The following POU6F2 variants were observed in gnomAD, a reference collection of about 807,000 sequenced individuals.
POU6F2 encodes POU domain, class 6, transcription factor 2.
Under a neutral mutation model 71.3 loss-of-function variants are expected in POU6F2, and 31 were observed. The observed-to-expected ratio is 0.43, with a 90% confidence interval of 0.33 to 0.59. POU6F2 has a LOEUF of 0.59. POU6F2 is among the 20% of genes least tolerant of loss of function. The pLI is 0.04. For missense variants in POU6F2, 783 were observed against 856.8 expected, an observed-to-expected ratio of 0.91 and a Z score of 1.07; for synonymous variants, 347 against 355.7, an observed-to-expected ratio of 0.98 and a Z score of 0.27.
At chr7:39,441,181 GGGGAACA>G (rs1788394813) in intron 7 of POU6F2, among the ~76,000 whole-genome samples, 1 of 152,036 alleles carries the variant, frequency 6.6e-6, no homozygotes, top group Non-Finnish European at 1.5e-5. Context: ...TGGGTGGCAT[GGGGAACA>G]GGACCTGTTA....
chr7:39,303,537 A>G (rs1240125283), intron 4 of POU6F2, among the ~76,000 whole-genome samples: 1 of 152,142 alleles, frequency 6.6e-6, no homozygotes, highest in East Asian at 1.9e-4. Flanking sequence ...ATTGTCCTCT[A>G]TTTTTCACAA....
intron 4 of POU6F2, among the ~76,000 whole-genome samples, chr7:39,328,841 G>C (rs1352956001): frequency 6.6e-6 from 1 of 152,118 alleles, no homozygotes; most frequent in Non-Finnish European, 1.5e-5. Flanking sequence ...GACCAGATAG[G>C]GCATGGCCTC....
intron 4 of POU6F2, among the ~76,000 whole-genome samples, chr7:39,224,269 A>G (rs144227396): frequency 1.3e-5 from 2 of 152,312 alleles, no homozygotes; most frequent in African/African-American, 2.4e-5. Context: ...ACTTCCAGCC[A>G]GAAAGTTGTG....
At chr7:39,001,478 A>G (rs531520863) in intron 1 of POU6F2, among the ~76,000 whole-genome samples, 1 of 152,196 alleles carries the variant, frequency 6.6e-6, no homozygotes, top group Non-Finnish European at 1.5e-5. Flanking sequence ...GGAGAATCTC[A>G]ATTTGTGGTA....
At chr7:39,009,393 A>C (rs908794107) in intron 1 of POU6F2, among the ~76,000 whole-genome samples, 1 of 152,160 alleles carries the variant, frequency 6.6e-6, no homozygotes, top group African/African-American at 2.4e-5. Flanking sequence ...ACTTTGCTGA[A>C]GTTGCTTATC....
chr7:38,978,948 A>G (rs1420450118), intron 1 of POU6F2, among the ~76,000 whole-genome samples: 1 of 152,234 alleles, frequency 6.6e-6, no homozygotes, highest in Non-Finnish European at 1.5e-5. Flanking sequence ...TAAATCAGAA[A>G]ACGAAAAGGA....
chr7:38,991,691 A>C (rs780154557), intron 1 of POU6F2, among the ~76,000 whole-genome samples: 1 of 151,980 alleles, frequency 6.6e-6, no homozygotes, highest in South Asian at 2.1e-4. Context: ...CTTCCAGCCA[A>C]TTTTTTTCAG....
intron 4 of POU6F2, among the ~76,000 whole-genome samples, chr7:39,219,979 C>T (rs950444012): frequency 6.6e-6 from 1 of 152,088 alleles, no homozygotes; most frequent in Non-Finnish European, 1.5e-5. Flanking sequence ...CCATATATTT[C>T]AAAGTTAATG....
intron 1 of POU6F2, among the ~76,000 whole-genome samples, chr7:39,022,400 C>G (rs944493402): frequency 1.5e-4 from 23 of 152,102 alleles, no homozygotes; most frequent in Middle Eastern, 3.4e-3. Context: ...TGATTATCCC[C>G]CACCCATCAT....
chr7:39,091,990 T>C (rs898544368), intron 2 of POU6F2, among the ~76,000 whole-genome samples: 4 of 152,108 alleles, frequency 2.6e-5, no homozygotes, highest in African/African-American at 9.7e-5. Context: ...AGAGGAAGGG[T>C]AGAAGGTTCA....
At chr7:39,058,304 A>T (rs1327166462) in intron 1 of POU6F2, among the ~76,000 whole-genome samples, 1 of 152,182 alleles carries the variant, frequency 6.6e-6, no homozygotes, top group East Asian at 1.9e-4. Flanking sequence ...TTGGAGAGTG[A>T]GAGGAACCCT....
At chr7:39,370,323 A>G (rs1786583162) in intron 5 of POU6F2, among the ~76,000 whole-genome samples, 1 of 152,208 alleles carries the variant, frequency 6.6e-6, no homozygotes. Context: ...GTGCAACATA[A>G]GAGAACATAG....
intron 2 of POU6F2, among the ~76,000 whole-genome samples, chr7:39,181,579 C>T (rs754780185): frequency 3.9e-5 from 6 of 152,160 alleles, no homozygotes; most frequent in Non-Finnish European, 5.9e-5. Flanking sequence ...ACACAACTTG[C>T]GCAACTTTGC....
chr7:39,456,413 T>A (rs1788807092), intron 8 of POU6F2, among the ~76,000 whole-genome samples: 1 of 152,168 alleles, frequency 6.6e-6, no homozygotes, highest in Non-Finnish European at 1.5e-5. Flanking sequence ...TATATATTCC[T>A]TAAGGAAGGG....
At chr7:39,004,594 T>C (rs1273835158) in intron 1 of POU6F2, among the ~76,000 whole-genome samples, 2 of 152,200 alleles carry the variant, frequency 1.3e-5, no homozygotes, top group Admixed American at 6.5e-5. Context: ...CCTCAATAAA[T>C]AAATGATGGG....
At position 39,205,745 on chromosome 7, in the gene POU6F2, CCTGTGGGGT is replaced by C. The variant is rs540017659; in HGVS notation, c.369+1422_369+1430del. ...GTGCACAAATACATTAGGAGCAAGG[CCTGTGGGGT>C]CTAAAGCAGCAGTTCTAAACTCAGC... On this transcript the variant is annotated intron_variant, in intron 3 of 9. Transcript: ENST00000518318. Among the ~76,000 whole-genome samples the C allele has an allele frequency of 5.9e-5, 9 of 152,280 alleles. No individual in the cohort carries two copies. In the East Asian group the frequency reaches 1.7e-3, roughly 29 times the overall value.
chr7:39,268,491 G>C (rs1295961694), intron 4 of POU6F2, among the ~76,000 whole-genome samples: 1 of 152,164 alleles, frequency 6.6e-6, no homozygotes, highest in Non-Finnish European at 1.5e-5. Flanking sequence ...TAGAACTGCT[G>C]TTAAGTTGCT....
Position 39,402,405 on chromosome 7 carries a change from A to ATT in POU6F2, c.973-4184_973-4183dup, listed in dbSNP as rs74446234. Among the ~76,000 whole-genome samples, 24 of 148,118 alleles carry ATT rather than the reference A, an allele frequency of 1.6e-4. No homozygotes were observed. The East Asian group carries it at 2.4e-3, about 15-fold the overall frequency. On this transcript the variant is annotated intron_variant, in intron 5 of 9. Coordinates refer to ENST00000518318, the MANE Select transcript of POU6F2 (RefSeq NM_001370959.1). ...ATAAATCACTGTAAATCCTAAAGGA[A>ATT]TTTTTTTTTTTTGCAAATCTTTTTC... is the stretch of plus-strand genomic sequence containing the variant.
At chr7:39,462,978 T>C (rs989938294) in intron 9 of POU6F2, among the ~76,000 whole-genome samples, 1 of 152,234 alleles carries the variant, frequency 6.6e-6, no homozygotes, top group Non-Finnish European at 1.5e-5. Context: ...AAACATATTC[T>C]GAGTAACATG....
Sources: allele counts gnomAD v4.1 joint callset (sites outside exome capture counted in the v4.1 genomes callset), GRCh38; gene constraint gnomAD v4.1.1; transcripts MANE v1.5; gene names NCBI Gene and HGNC (gene_info 2026-07-23, HGNC 2026-07-21).